The following SLCO6A1 variants were observed in gnomAD, a reference collection of about 807,000 sequenced individuals.
The protein encoded by SLCO6A1 is cancer/testis antigen 48.
SLCO6A1 carries 65 observed loss-of-function variants against 72.7 expected under a neutral mutation model. That is an observed-to-expected ratio of 0.89 (90% CI 0.73 to 1.10). The LOEUF is 1.10. Ranked by LOEUF, SLCO6A1 falls within the 50% of genes least tolerant of loss-of-function variation. SLCO6A1 has a pLI of 0.00. For synonymous variants in SLCO6A1, 314 were observed against 298.2 expected (o/e 1.05, Z -0.55); for missense variants, 874 against 872.6 (o/e 1.00, Z -0.02).
At chr5:102,451,649 T>C (rs1750424401) in intron 6 of SLCO6A1, among the ~76,000 whole-genome samples, 1 of 152,198 alleles carries the variant, frequency 6.6e-6, no homozygotes, top group African/African-American at 2.4e-5. Context: ...GAGCTCTCAC[T>C]CACTTGCTGT....
chr5:102,441,691 T>C (rs757168077), intron 6 of SLCO6A1, among the ~76,000 whole-genome samples: 1 of 152,108 alleles, frequency 6.6e-6, no homozygotes, highest in Non-Finnish European at 1.5e-5. Flanking sequence ...ATGGTTTAGC[T>C]ATCAATTTAT....
chr5:102,481,238 T>C (rs1175452858), intron 1 of SLCO6A1, among the ~76,000 whole-genome samples: 1 of 152,142 alleles, frequency 6.6e-6, no homozygotes, highest in Non-Finnish European at 1.5e-5. Context: ...TACATTTTTT[T>C]TTTGGCAGGA....
chr5:102,408,340 T>C (rs1185693164), intron 9 of SLCO6A1, among the ~76,000 whole-genome samples: 1 of 136,768 alleles, frequency 7.3e-6, no homozygotes, highest in Non-Finnish European at 1.6e-5. Context: ...CTACTGTAAT[T>C]TATTATGTAG....
chr5:102,386,200 C>T (rs1746408495), intron 12 of SLCO6A1, among the ~76,000 whole-genome samples: 1 of 151,996 alleles, frequency 6.6e-6, no homozygotes, highest in Non-Finnish European at 1.5e-5. Flanking sequence ...AGCCTGGATC[C>T]ACTGTGATAG....
intron 5 of SLCO6A1, among the ~76,000 whole-genome samples, chr5:102,459,060 A>C (rs564900074): frequency 1.3e-5 from 2 of 152,264 alleles, no homozygotes; most frequent in Admixed American, 1.3e-4. Context: ...TATGAACTCT[A>C]GATATAAAGC....
intron 12 of SLCO6A1, among the ~76,000 whole-genome samples, chr5:102,385,817 CTGTT>C (rs1746385028): frequency 7.3e-6 from 1 of 136,862 alleles, no homozygotes; most frequent in African/African-American, 2.7e-5. Flanking sequence ...CATTTTTCTC[CTGTT>C]TTTCCTTTTT....
chr5:102,425,298 C>T (rs1280162956), intron 7 of SLCO6A1, among the ~76,000 whole-genome samples: 6 of 151,944 alleles, frequency 3.9e-5, no homozygotes, highest in Admixed American at 1.3e-4. Flanking sequence ...AGAAATAAAG[C>T]GTATTCAAAT....
Position 102,438,686 on chromosome 5 carries a change from A to G in SLCO6A1, c.1207T>C (p.Ser403Pro), listed in dbSNP as rs758335782. 9.4e-6 allele frequency: 15 copies of G among 1,600,618 alleles called. No individual in the cohort carries two copies. Among genetic ancestry groups the G allele is most frequent in the Admixed American group, 1.7e-5 (1 of 57,938 alleles). ...ATEYLVIIGA[S>P]EFLPIYLENQ... The stretch of plus-strand genomic sequence containing the variant: ...TCTAAATATATAGGCAAAAATTCAG[A>G]AGCTCCAATAATAACTAAATATTCT... Residue 403 changes from serine (S) to proline (P), a missense_variant, in exon 7 of 14, where the codon TCT becomes CCT. Transcript: ENST00000506729.
chr5:102,472,873 A>T (rs1045267710), intron 4 of SLCO6A1, among the ~76,000 whole-genome samples: 3 of 152,076 alleles, frequency 2.0e-5, no homozygotes, highest in African/African-American at 4.8e-5. Context: ...AAATTAGATA[A>T]CTTAGAAGAC....
chr5:102,406,592 A>C (rs1747680559), intron 9 of SLCO6A1, among the ~76,000 whole-genome samples: 1 of 152,166 alleles, frequency 6.6e-6, no homozygotes, highest in South Asian at 2.1e-4. Context: ...TTAGAGAAAA[A>C]TAAACAATAT....
chr5:102,412,513 T>C (rs1346465486), intron 9 of SLCO6A1, among the ~76,000 whole-genome samples: 2 of 152,092 alleles, frequency 1.3e-5, no homozygotes, highest in African/African-American at 2.4e-5. Flanking sequence ...CCCAGCAGTT[T>C]TGGAGGTGAG....
chr5:102,433,917 A>C (rs570645063), intron 7 of SLCO6A1, among the ~76,000 whole-genome samples: 1 of 152,074 alleles, frequency 6.6e-6, no homozygotes, highest in Non-Finnish European at 1.5e-5. Context: ...AGGATACAAT[A>C]TTTAAAATTA....
intron 7 of SLCO6A1, among the ~76,000 whole-genome samples, chr5:102,434,596 T>C (rs1376024638): frequency 1.3e-5 from 2 of 152,178 alleles, no homozygotes; most frequent in Admixed American, 6.5e-5. Flanking sequence ...AGCTTACAGA[T>C]AGGATGAAAT....
chr5:102,439,037 A>G (rs1229127313), intron 6 of SLCO6A1, among the ~76,000 whole-genome samples: 3 of 152,078 alleles, frequency 2.0e-5, no homozygotes, highest in East Asian at 1.9e-4. Flanking sequence ...ATTTTTATTT[A>G]TGGGCTTGGA....
intron 7 of SLCO6A1, among the ~76,000 whole-genome samples, chr5:102,421,594 TC>T (rs1209280035): frequency 6.6e-6 from 1 of 152,120 alleles, no homozygotes; most frequent in Admixed American, 6.5e-5. Context: ...GGGCAGGGCA[TC>T]CTTGAAAGAA....
chr5:102,439,107 T>C (rs1749704471), intron 6 of SLCO6A1, among the ~76,000 whole-genome samples: 1 of 152,016 alleles, frequency 6.6e-6, no homozygotes, highest in Non-Finnish European at 1.5e-5. Flanking sequence ...CTAGAATTTC[T>C]CCTTACTTTT....
intron 9 of SLCO6A1, among the ~76,000 whole-genome samples, chr5:102,411,617 G>A (rs1465412802): frequency 2.0e-5 from 3 of 148,926 alleles, no homozygotes; most frequent in Non-Finnish European, 3.0e-5. Flanking sequence ...TTTAAATCTT[G>A]CCCAAACTCC....
chr5:102,410,957 GA>G (rs1229059590), intron 9 of SLCO6A1, among the ~76,000 whole-genome samples: 2 of 152,150 alleles, frequency 1.3e-5, no homozygotes, highest in Non-Finnish European at 2.9e-5. Flanking sequence ...AAAAGGTAGA[GA>G]GTAAACACTT....
chr5:102,483,016 A>AT (rs998668279), intron 1 of SLCO6A1, among the ~76,000 whole-genome samples: 24 of 152,344 alleles, frequency 1.6e-4, no homozygotes, highest in Admixed American at 1.5e-3. Flanking sequence ...AGTTAAGGCC[A>AT]TGTATTCACC....
Sources: gnomAD v4.1 joint callset for allele counts (sites outside exome capture counted in the v4.1 genomes callset) on GRCh38, gnomAD v4.1.1 for gene constraint, MANE v1.5 for transcripts, NCBI Gene and HGNC (gene_info 2026-07-23, HGNC 2026-07-21) for gene names.